LANCL3: variants seen among roughly 807,000 people sequenced by gnomAD.
The protein encoded by LANCL3 is lanC-like protein 3.
LANCL3 carries 19 observed loss-of-function variants against 26.5 expected under a neutral mutation model. The ratio of observed to expected loss-of-function variants is 0.72; its 90% CI spans 0.50 to 1.05. The LOEUF is 1.05. Ranked by LOEUF, LANCL3 falls within the 50% of genes least tolerant of loss-of-function variation. The pLI, the probability that LANCL3 is intolerant of heterozygous loss-of-function variation, is 0.00. For synonymous variants in LANCL3, 160 were observed against 166.6 expected (o/e 0.96, Z 0.30); for missense variants, 318 against 362.7 (o/e 0.88, Z 1.00).
rs544970413 is a variant in LANCL3 at position 37,670,208 on chromosome X, C to T, written c.1103+2719C>T. Among the ~76,000 whole-genome samples the T allele has an allele frequency of 2.1e-4, 24 of 111,906 alleles. No individual in the cohort carries two copies. The South Asian group carries it at 7.0e-3, about 33-fold the overall frequency. ...AAATAGCCTGTCTTTATCCTTTGCC[C>T]ATTTTTTTCCTGTTGTGATGCTTCT... is the stretch of plus-strand genomic sequence containing the variant. On this transcript the variant is annotated intron_variant, in intron 4 of 4. Coordinates refer to ENST00000378619, the MANE Select transcript of LANCL3 (RefSeq NM_001170331.2).
Position 37,571,927 on chromosome X carries a change from G to A in LANCL3, c.57G>A (p.Leu19=), listed in dbSNP as rs782369234. The change falls in exon 1 of 5, where the codon CTG becomes CTA. Residue 19 remains leucine, a synonymous_variant. Coordinates refer to ENST00000378619, the MANE Select transcript of LANCL3 (RefSeq NM_001170331.2). ...TCGATGACTACCAGGGCAGCCTGCT[G>A]GCGGGCCAGTGTGAGGAGGCGGTGG... ...NRFDDYQGSL[L]AGQCEEAVAP... is the part of the protein sequence containing the mutation. 2.4e-4 allele frequency: 291 copies of A among 1,206,061 alleles called. No homozygotes were observed. Among genetic ancestry groups the A allele is most frequent in the Non-Finnish European group, 3.1e-4 (276 of 893,938 alleles).
intron 1 of LANCL3, among the ~76,000 whole-genome samples, chrX:37,586,354 G>A (rs782575893): frequency 1.3e-3 from 146 of 111,761 alleles, no homozygotes; most frequent in African/African-American, 3.6e-3. Context: ...GCCTTGCTAG[G>A]TTGGGGAAGT....
intron 1 of LANCL3, among the ~76,000 whole-genome samples, chrX:37,579,974 T>G (rs1923853656): frequency 8.9e-6 from 1 of 112,041 alleles, no homozygotes; most frequent in Admixed American, 9.5e-5. Context: ...AAAATTAGGA[T>G]GGAGGTTTCC....
At chrX:37,655,868 CA>C in intron 2 of LANCL3, 57 bp downstream of exon 2, 1 of 1,080,393 alleles carries the variant, frequency 9.3e-7, no homozygotes, top group Middle Eastern at 2.5e-4. Context: ...AAGATACTAC[CA>C]AATAAAGGCT....
intron 1 of LANCL3, among the ~76,000 whole-genome samples, chrX:37,618,301 C>A (rs1925063000): frequency 8.9e-6 from 1 of 112,174 alleles, no homozygotes. Context: ...CCATTCCTGA[C>A]ACTGAATTGC....
intron 1 of LANCL3, among the ~76,000 whole-genome samples, chrX:37,640,821 G>T (rs1266263790): frequency 9.0e-6 from 1 of 110,773 alleles, no homozygotes; most frequent in Non-Finnish European, 1.9e-5. Context: ...ACAGAGTAAG[G>T]GTGTCAATTT....
chrX:37,577,502 A>G (rs1259287371), intron 1 of LANCL3, among the ~76,000 whole-genome samples: 1 of 112,541 alleles, frequency 8.9e-6, no homozygotes, highest in Non-Finnish European at 1.9e-5. Flanking sequence ...GTAGGTGACA[A>G]AGTTACAAGT....
intron 1 of LANCL3, among the ~76,000 whole-genome samples, chrX:37,637,349 C>T (rs1556425451): frequency 1.8e-5 from 2 of 111,723 alleles, no homozygotes; most frequent in South Asian, 3.7e-4. Context: ...TTTGACATAG[C>T]GATTTTTGCC....
intron 1 of LANCL3, among the ~76,000 whole-genome samples, chrX:37,593,346 A>G (rs1285514749): frequency 8.9e-6 from 1 of 111,952 alleles, no homozygotes; most frequent in African/African-American, 3.2e-5. Context: ...AAATAATGTG[A>G]TACTATTATT....
At chrX:37,590,108 A>G (rs1924228674) in intron 1 of LANCL3, among the ~76,000 whole-genome samples, 1 of 112,606 alleles carries the variant, frequency 8.9e-6, no homozygotes, top group Non-Finnish European at 1.9e-5. Context: ...GCTTGAAGAT[A>G]CTGTAAATTG....
chrX:37,674,069 GTCA>G (rs1242192545), intron 4 of LANCL3, among the ~76,000 whole-genome samples: 1 of 111,595 alleles, frequency 9.0e-6, no homozygotes, highest in Non-Finnish European at 1.9e-5. Flanking sequence ...TTTGCCAAAG[GTCA>G]TACAACATGA....
chrX:37,657,975 A>G (rs1229429125), intron 2 of LANCL3, among the ~76,000 whole-genome samples: 2 of 112,229 alleles, frequency 1.8e-5, no homozygotes, highest in East Asian at 2.8e-4. Context: ...TGACCCTAGT[A>G]CTGCCCACTA....
chrX:37,581,737 A>G (rs1923899101), intron 1 of LANCL3, among the ~76,000 whole-genome samples: 2 of 112,222 alleles, frequency 1.8e-5, no homozygotes, highest in South Asian at 7.4e-4. Context: ...ATGTCTTTTC[A>G]TCTGTTAATA....
At chrX:37,631,105 A>C (rs1401741054) in intron 1 of LANCL3, among the ~76,000 whole-genome samples, 2 of 111,721 alleles carry the variant, frequency 1.8e-5, no homozygotes, top group African/African-American at 6.5e-5. Context: ...TTGGTAAGCT[A>C]TTGATTATTG....
At chrX:37,609,982 C>G in intron 1 of LANCL3, among the ~76,000 whole-genome samples, 1 of 112,568 alleles carries the variant, frequency 8.9e-6, no homozygotes, top group Middle Eastern at 4.6e-3. Flanking sequence ...TGCTGCCTAA[C>G]AAACCACCTA....
intron 1 of LANCL3, among the ~76,000 whole-genome samples, chrX:37,599,354 T>C (rs1924521141): frequency 1.8e-5 from 2 of 112,435 alleles, no homozygotes; most frequent in African/African-American, 6.5e-5. Context: ...AATTTTAGTG[T>C]TCATCAGAGT....
intron 4 of LANCL3, chrX:37,668,310 T>C: frequency 4.8e-6 from 1 of 207,430 alleles, no homozygotes; most frequent in Non-Finnish European, 8.9e-6. Flanking sequence ...ATATCCTAGT[T>C]ATATACATAA....
intron 1 of LANCL3, among the ~76,000 whole-genome samples, chrX:37,646,299 G>A (rs1472603642): frequency 2.7e-5 from 3 of 112,178 alleles, no homozygotes; most frequent in Non-Finnish European, 3.8e-5. Flanking sequence ...CACCTTTTCT[G>A]CTCATGATGT....
At chrX:37,606,471 A>G (rs1454215925) in intron 1 of LANCL3, among the ~76,000 whole-genome samples, 1 of 112,126 alleles carries the variant, frequency 8.9e-6, no homozygotes, top group Non-Finnish European at 1.9e-5. Context: ...CAGTGCTGCT[A>G]TGTTAACACA....
Sources: gnomAD v4.1 joint callset for allele counts (sites outside exome capture counted in the v4.1 genomes callset) on GRCh38, gnomAD v4.1.1 for gene constraint, MANE v1.5 for transcripts, NCBI Gene and HGNC (gene_info 2026-07-23, HGNC 2026-07-21) for gene names.